The following P2RY14 variants were observed in gnomAD, a reference collection of about 807,000 sequenced individuals.
The protein encoded by P2RY14 is P2Y purinoceptor 14.
A neutral mutation model predicts 0.9 loss-of-function variants in P2RY14; 2 were observed. That is an observed-to-expected ratio of 2.16 (90% CI 0.88 to 6.79). The LOEUF (loss-of-function observed/expected upper bound fraction) is 6.79. P2RY14 is among the 30% of genes most tolerant of loss of function. The probability of loss-of-function intolerance (pLI) is 0.05; values close to 1 mark genes in which losing one functional copy is unlikely to be tolerated. For missense variants in P2RY14, 378 were observed against 400.1 expected (o/e 0.94, Z 0.47); for synonymous variants, 158 against 147.2 (o/e 1.07, Z -0.53).
intron 1 of P2RY14, among the ~76,000 whole-genome samples, chr3:151,252,601 C>T (rs1029074443): frequency 5.3e-5 from 8 of 152,000 alleles, no homozygotes; most frequent in Admixed American, 2.0e-4. Flanking sequence ...ACTTGTGTTT[C>T]GTAAATGATA....
At chr3:151,253,272 C>T (rs919998718) in intron 1 of P2RY14, among the ~76,000 whole-genome samples, 1 of 152,164 alleles carries the variant, frequency 6.6e-6, no homozygotes, top group Non-Finnish European at 1.5e-5. Flanking sequence ...TTGAGAGGCA[C>T]GTATACTGCA....
At chr3:151,229,678 C>T (rs922146731) in intron 1 of P2RY14, among the ~76,000 whole-genome samples, 1 of 151,718 alleles carries the variant, frequency 6.6e-6, no homozygotes, top group Non-Finnish European at 1.5e-5. Context: ...GGGGTTTCAT[C>T]GTGGTCTCAA....
chr3:151,271,320 T>G (rs2149555338), intron 1 of P2RY14, among the ~76,000 whole-genome samples: 1 of 152,298 alleles, frequency 6.6e-6, no homozygotes, highest in African/African-American at 2.4e-5. Context: ...AAGGTAGTAC[T>G]TTCACCCATT....
intron 1 of P2RY14, among the ~76,000 whole-genome samples, chr3:151,235,304 G>A (rs1732509324): frequency 6.6e-6 from 1 of 152,200 alleles, no homozygotes; most frequent in Non-Finnish European, 1.5e-5. Flanking sequence ...GGCCCTGCAA[G>A]CATGACCAGC....
intron 1 of P2RY14, among the ~76,000 whole-genome samples, chr3:151,276,492 T>G (rs1246499164): frequency 6.6e-6 from 1 of 152,218 alleles, no homozygotes; most frequent in Non-Finnish European, 1.5e-5. Context: ...TGGACTGGTC[T>G]GTTTTTGGTA....
At chr3:151,270,188 C>T (rs987468013) in intron 1 of P2RY14, 1 of 105,632 alleles carries the variant, frequency 9.5e-6, no homozygotes, top group Non-Finnish European at 1.9e-5. Context: ...TTCCTGGGAG[C>T]AAGCTGTCGT....
intron 1 of P2RY14, among the ~76,000 whole-genome samples, chr3:151,240,648 T>C (rs1025440731): frequency 6.6e-6 from 1 of 152,270 alleles, no homozygotes; most frequent in Non-Finnish European, 1.5e-5. Context: ...GCAAGATTGC[T>C]TCTATGAAAA....
At chr3:151,216,995 C>G (rs1293494262) in intron 2 of P2RY14, among the ~76,000 whole-genome samples, 1 of 152,120 alleles carries the variant, frequency 6.6e-6, no homozygotes, top group Admixed American at 6.6e-5. Flanking sequence ...CAGCGCCTGG[C>G]CATTGTGGTG....
chr3:151,271,638 T>C (rs536089387), intron 1 of P2RY14, among the ~76,000 whole-genome samples: 2 of 152,252 alleles, frequency 1.3e-5, no homozygotes, highest in Non-Finnish European at 1.5e-5. Context: ...GTAAACAAAT[T>C]GTGGTATACT....
intron 1 of P2RY14, among the ~76,000 whole-genome samples, chr3:151,255,974 C>G (rs1353257935): frequency 6.6e-6 from 1 of 152,180 alleles, no homozygotes; most frequent in Non-Finnish European, 1.5e-5. Context: ...TAATGCCTAG[C>G]TCTAAGGTCA....
At position 151,213,479 on chromosome 3, in the gene P2RY14, T is replaced by A. The variant is rs769208048; in HGVS notation, c.838A>T (p.Thr280Ser). 1.2e-5 allele frequency: 19 copies of A among 1,614,008 alleles called. No homozygotes were observed. Among genetic ancestry groups the A allele is most frequent in the Non-Finnish European group, 1.6e-5 (19 of 1,180,016 alleles). ...KEILRYMKEF[T>S]LLLSAANVCL... is the part of the protein sequence containing the mutation. ...ACATTTGCAGCAGATAGTAGCAGAG[T>A]GAATTCTTTCATATACCGCAAGATT... Residue 280 changes from threonine to serine, a missense_variant, in exon 3 of 3, where the codon ACT (threonine) becomes TCT (serine). Physicochemically the swap from Thr to Ser is moderately conservative, Grantham distance 58. Coordinates refer to ENST00000309170, the MANE Select transcript of P2RY14 (RefSeq NM_014879.4).
chr3:151,228,440 C>G (rs1052799917), intron 1 of P2RY14, among the ~76,000 whole-genome samples: 2 of 152,106 alleles, frequency 1.3e-5, no homozygotes, highest in African/African-American at 2.4e-5. Context: ...AATAAACTAT[C>G]AGGCTCCTGA....
At chr3:151,249,395 G>C (rs540601445) in intron 1 of P2RY14, among the ~76,000 whole-genome samples, 1 of 152,184 alleles carries the variant, frequency 6.6e-6, no homozygotes, top group Non-Finnish European at 1.5e-5. Flanking sequence ...ATATTTGAGA[G>C]TAAAACATCT....
rs995157281 is a variant in P2RY14, at chr3:151,213,388, A to C, written c.929T>G (p.Leu310Trp). 50 of 1,613,832 alleles carry C rather than the reference A, an allele frequency of 3.1e-5. No homozygotes were observed. The highest frequency in any genetic ancestry group is 4.2e-5 in the Non-Finnish European group (50 of 1,179,832). ...QPFREILCKK[L>W]HIPLKAQNDL... ...ATTCTGAGCTTTTAATGGAATGTGC[A>C]ATTTCTTACATAAGATTTCCCTAAA... The change falls in exon 3 of 3, where the codon TTG becomes TGG. Residue 310 changes from leucine to tryptophan, a missense_variant. By Grantham distance (61) the Leu-to-Trp change is moderately conservative. Transcript: ENST00000309170.
intron 1 of P2RY14, among the ~76,000 whole-genome samples, chr3:151,230,295 G>C (rs996527105): frequency 1.3e-5 from 2 of 152,182 alleles, no homozygotes; most frequent in African/African-American, 4.8e-5. Context: ...TTGAATATGC[G>C]TGTCTGTTTT....
Position 151,266,643 on chromosome 3 carries a change from G to A in P2RY14, c.-133+11644C>T, listed in dbSNP as rs553368847. 2.6e-5 allele frequency among the ~76,000 whole-genome samples: 4 copies of A among 152,238 alleles called. No homozygotes were observed. In the East Asian group the frequency reaches 7.7e-4, roughly 29 times the overall value. On this transcript the variant is annotated intron_variant, in intron 1 of 2. Transcript: ENST00000309170. ...ACCTTGAAGATTTTAAGTAAATGAA[G>A]GAGTGGATGAGCAAGTGATATGAAC...
At chr3:151,265,395 C>T (rs1293800013) in intron 1 of P2RY14, among the ~76,000 whole-genome samples, 4 of 152,172 alleles carry the variant, frequency 2.6e-5, no homozygotes, top group African/African-American at 4.8e-5. Flanking sequence ...GCAGAAGTTT[C>T]ACAGACTGAT....
rs139156564 is a variant in P2RY14, at chr3:151,214,067, G to A, written c.250C>T (p.Leu84Phe). The change falls in exon 3 of 3, where the codon CTT (leucine) becomes TTT (phenylalanine). Residue 84 changes from leucine to phenylalanine, a missense_variant. Transcript: ENST00000309170. ...AACACGTTCAGCTGCCAGGGACCAA[G>A]GCCTGAGTCACCAAGGATCTTGAAA... ...FPFKILGDSG[L>F]GPWQLNVFVC... is the part of the protein sequence containing the mutation. The A allele has an allele frequency of 9.3e-6, 15 of 1,613,996 alleles. No homozygotes were observed. The African/African-American group carries it at 2.0e-4, about 22-fold the overall frequency.
chr3:151,275,174 C>G (rs1013409931), intron 1 of P2RY14, among the ~76,000 whole-genome samples: 1 of 152,044 alleles, frequency 6.6e-6, no homozygotes, highest in Non-Finnish European at 1.5e-5. Flanking sequence ...AAAATAATTG[C>G]GTGTGTATGA....
Sources: allele counts gnomAD v4.1 joint callset (sites outside exome capture counted in the v4.1 genomes callset), GRCh38; gene constraint gnomAD v4.1.1; transcripts MANE v1.5; gene names NCBI Gene and HGNC (gene_info 2026-07-23, HGNC 2026-07-21).